The following XRCC4 variants were observed in gnomAD, a reference collection of about 807,000 sequenced individuals.
The protein encoded by XRCC4 is DNA repair protein XRCC4.
Under a neutral mutation model 39.1 loss-of-function variants are expected in XRCC4, and 28 were observed. The ratio of observed to expected loss-of-function variants is 0.72; its 90% confidence interval spans 0.53 to 0.98. The LOEUF is 0.98. XRCC4 is among the 50% of genes least tolerant of loss of function. The pLI, the probability that XRCC4 is intolerant of heterozygous loss-of-function variation, is 0.00. For missense variants in XRCC4, 350 were observed against 376.4 expected, an observed-to-expected ratio of 0.93 and a Z score of 0.58; for synonymous variants, 123 against 126.4, an observed-to-expected ratio of 0.97 and a Z score of 0.18.
intron 6 of XRCC4, among the ~76,000 whole-genome samples, chr5:83,249,141 T>C (rs1160935766): frequency 6.6e-6 from 1 of 152,164 alleles, no homozygotes; most frequent in South Asian, 2.1e-4. Flanking sequence ...CCTAATTTTA[T>C]GGATTTAAAA....
At chr5:83,306,509 C>T (rs35014307) in intron 7 of XRCC4, among the ~76,000 whole-genome samples, 139,954 of 151,744 alleles carry the variant, frequency 0.92, 64,698 homozygotes, top group African/African-American at 0.98. Context: ...TATACTTTTC[C>T]CAAGAATGAC....
intron 3 of XRCC4, among the ~76,000 whole-genome samples, chr5:83,119,791 G>T (rs186154448): frequency 1.3e-5 from 2 of 152,034 alleles, no homozygotes; most frequent in Non-Finnish European, 2.9e-5. Context: ...GGACAATATA[G>T]TGGGACCCTT....
chr5:83,119,175 C>G (rs1746879506), intron 3 of XRCC4, among the ~76,000 whole-genome samples: 1 of 152,104 alleles, frequency 6.6e-6, no homozygotes, highest in South Asian at 2.1e-4. Flanking sequence ...GTTTCAGGGA[C>G]TCTGAATTCA....
At chr5:83,102,512 G>A (rs1388092427) in intron 1 of XRCC4, among the ~76,000 whole-genome samples, 1 of 152,082 alleles carries the variant, frequency 6.6e-6, no homozygotes, top group Non-Finnish European at 1.5e-5. Context: ...GACATATCCA[G>A]AAGTCAGCAA....
chr5:83,284,103 T>C (rs1438690847), intron 7 of XRCC4, among the ~76,000 whole-genome samples: 1 of 79,578 alleles, frequency 1.3e-5, no homozygotes, highest in African/African-American at 4.9e-5. Context: ...TGAAAGGTAA[T>C]CAAATACATA....
At chr5:83,191,363 GTGC>G (rs2112684461) in intron 3 of XRCC4, among the ~76,000 whole-genome samples, 1 of 152,180 alleles carries the variant, frequency 6.6e-6, no homozygotes, top group South Asian at 2.1e-4. Context: ...GGTCTTTCCT[GTGC>G]TGTTCTCATG....
intron 7 of XRCC4, among the ~76,000 whole-genome samples, chr5:83,287,661 G>A (rs1323018469): frequency 2.6e-5 from 4 of 151,672 alleles, no homozygotes; most frequent in Admixed American, 1.3e-4. Context: ...AGTTCCTCCC[G>A]AAAATGTGTA....
intron 3 of XRCC4, among the ~76,000 whole-genome samples, chr5:83,135,837 G>T (rs1747872196): frequency 6.6e-6 from 1 of 152,026 alleles, no homozygotes; most frequent in Admixed American, 6.5e-5. Context: ...TAATGACCTT[G>T]TGTATGAATA....
chr5:83,097,478 A>C (rs1317161226), intron 1 of XRCC4, among the ~76,000 whole-genome samples: 1 of 152,038 alleles, frequency 6.6e-6, no homozygotes, highest in Admixed American at 6.6e-5. Flanking sequence ...GGGGGAAAAA[A>C]GTACATTGTT....
intron 3 of XRCC4, among the ~76,000 whole-genome samples, chr5:83,150,506 A>G (rs373165264): frequency 6.6e-6 from 1 of 152,166 alleles, no homozygotes; most frequent in Non-Finnish European, 1.5e-5. Context: ...TAACTGCTCA[A>G]TTAAGAAAAA....
At chr5:83,190,647 G>A (rs1750653542) in intron 3 of XRCC4, among the ~76,000 whole-genome samples, 1 of 152,070 alleles carries the variant, frequency 6.6e-6, no homozygotes, top group Non-Finnish European at 1.5e-5. Context: ...ATCACACCTT[G>A]ATAATCTCCT....
At chr5:83,226,458 G>A (rs142940141) in intron 6 of XRCC4, among the ~76,000 whole-genome samples, 13 of 152,106 alleles carry the variant, frequency 8.5e-5, no homozygotes, top group African/African-American at 2.4e-4. Flanking sequence ...AAGTGCTTGT[G>A]TGCCCAAATA....
rs529312114 is a variant in XRCC4, at chr5:83,203,344, C to T, written c.483-208C>T. Among the ~76,000 whole-genome samples the T allele has an allele frequency of 5.9e-5, 9 of 152,120 alleles. No homozygotes were observed. In the South Asian group the frequency reaches 1.5e-3, roughly 25 times the overall value. The stretch of plus-strand genomic sequence containing the variant: ...ATTTGTATCAGTTTTCAATTTTGAT[C>T]CTTATCTCAGTAAATAAATTACATT... On this transcript the variant is annotated intron_variant, in intron 4 of 7. Transcript: ENST00000396027.
intron 7 of XRCC4, among the ~76,000 whole-genome samples, chr5:83,349,925 A>T (rs2112230014): frequency 6.6e-6 from 1 of 152,068 alleles, no homozygotes. Flanking sequence ...TCCCTTCCCC[A>T]TGTAGTAATC....
At chr5:83,199,762 T>C (rs1274049012) in intron 4 of XRCC4, among the ~76,000 whole-genome samples, 1 of 138,720 alleles carries the variant, frequency 7.2e-6, no homozygotes, top group Non-Finnish European at 1.7e-5. Flanking sequence ...ATCCTTTTAA[T>C]TTTTTAAAAA....
chr5:83,346,483 A>G (rs1334190135), intron 7 of XRCC4, among the ~76,000 whole-genome samples: 1 of 152,188 alleles, frequency 6.6e-6, no homozygotes, highest in Admixed American at 6.5e-5. Context: ...GTCTAAAAGG[A>G]TAAGTCACGC....
At chr5:83,202,879 G>C (rs536437768) in intron 4 of XRCC4, among the ~76,000 whole-genome samples, 3 of 152,088 alleles carry the variant, frequency 2.0e-5, no homozygotes, top group Non-Finnish European at 4.4e-5. Context: ...AGCAGTATGG[G>C]ATGAATTAAA....
intron 3 of XRCC4, among the ~76,000 whole-genome samples, chr5:83,133,658 G>A (rs949816964): frequency 2.0e-5 from 3 of 152,164 alleles, no homozygotes; most frequent in African/African-American, 4.8e-5. Flanking sequence ...AGCAGTGAGC[G>A]AGGCTCCATG....
intron 7 of XRCC4, among the ~76,000 whole-genome samples, chr5:83,347,804 A>C (rs1350383161): frequency 6.6e-6 from 1 of 152,202 alleles, no homozygotes; most frequent in Non-Finnish European, 1.5e-5. Flanking sequence ...ATGTGAGACA[A>C]GGCAAGTCTC....
Sources: gnomAD v4.1 joint callset for allele counts (sites outside exome capture counted in the v4.1 genomes callset) on GRCh38, gnomAD v4.1.1 for gene constraint, MANE v1.5 for transcripts, NCBI Gene and HGNC (gene_info 2026-07-23, HGNC 2026-07-21) for gene names.